LINGO2: variants seen among roughly 807,000 people sequenced by gnomAD.
LINGO2 encodes leucine-rich repeat and immunoglobulin-like domain-containing nogo receptor-interacting protein 2.
A neutral mutation model predicts 30.6 loss-of-function variants in LINGO2; 14 were observed. The ratio of observed to expected loss-of-function variants is 0.46; its 90% confidence interval spans 0.30 to 0.72. The LOEUF (loss-of-function observed/expected upper bound fraction) is 0.72. Among genes scored for constraint, LINGO2 ranks in the 30% least tolerant of loss-of-function variants. LINGO2 has a pLI of 0.07. For synonymous variants in LINGO2, 317 were observed against 288.5 expected (o/e 1.10, Z -1.00); for missense variants, 729 against 751.7 (o/e 0.97, Z 0.35).
At chr9:28,669,491 G>T (rs570753069) in intron 1 of LINGO2, among the ~76,000 whole-genome samples, 19 of 151,914 alleles carry the variant, frequency 1.3e-4, no homozygotes, top group African/African-American at 4.3e-4. Flanking sequence ...TGTAATTTCA[G>T]ATAGTAAAAA....
chr9:29,000,640 G>A, the LINGO2 span, among the ~76,000 whole-genome samples: 1,284 of 151,816 alleles, frequency 8.5e-3, 26 homozygotes, highest in African/African-American at 0.029. Context: ...TACTCCATAC[G>A]CAATACGAAA....
At position 27,968,895 on chromosome 9, in the gene LINGO2, CCTCT is replaced by C. The variant is rs897063100; in HGVS notation, c.-35-18193_-35-18190del. On this transcript the variant is annotated intron_variant, in intron 5 of 5. Coordinates refer to ENST00000379992, the Ensembl canonical transcript of LINGO2. Reference sequence around the variant, plus strand: ...TTGTATATAAAATTATAATTTCTCACCTCTCTCTCTCTCTACTAAGGAAATTACA... The same window carrying C: ...TTGTATATAAAATTATAATTTCTCACCTCTCTCTCTACTAAGGAAATTACA... Among the ~76,000 whole-genome samples, 36 of 149,954 alleles carry C rather than the reference CCTCT, an allele frequency of 2.4e-4. No homozygotes were observed. The East Asian group carries it at 2.7e-3, about 11-fold the overall frequency.
At chr9:29,152,780 CT>C in the LINGO2 span, among the ~76,000 whole-genome samples, 5 of 152,018 alleles carry the variant, frequency 3.3e-5, no homozygotes, top group Non-Finnish European at 4.4e-5. Context: ...CATGTACCCC[CT>C]GAATGAAAAT....
At chr9:28,863,666 G>A in the LINGO2 span, 1 of 532,538 alleles carries the variant, frequency 1.9e-6, no homozygotes, top group Non-Finnish European at 3.9e-6. Context: ...CACCACATTA[G>A]CTTAGATATG....
At chr9:28,596,057 G>A (rs1825160151) in intron 1 of LINGO2, among the ~76,000 whole-genome samples, 2 of 152,100 alleles carry the variant, frequency 1.3e-5, no homozygotes, top group Non-Finnish European at 2.9e-5. Flanking sequence ...CAAAGAAACA[G>A]AAAGGCTAAT....
the LINGO2 span, among the ~76,000 whole-genome samples, chr9:29,057,900 C>T: frequency 2.1e-4 from 32 of 152,176 alleles, no homozygotes; most frequent in African/African-American, 7.2e-4. Context: ...GCCTAAAGAA[C>T]GCTATATCTG....
chr9:29,129,617 G>C, the LINGO2 span, among the ~76,000 whole-genome samples: 235 of 152,168 alleles, frequency 1.5e-3, no homozygotes, highest in African/African-American at 5.3e-3. Context: ...TATTTGAAAT[G>C]TGCCAAAAAA....
intron 4 of LINGO2, among the ~76,000 whole-genome samples, chr9:28,017,703 A>T (rs10812724): frequency 0.24 from 36,204 of 152,050 alleles, 4,431 homozygotes; most frequent in South Asian, 0.3. Flanking sequence ...CTGCTTAAAG[A>T]AATCAGAGAT....
At chr9:28,630,203 A>T (rs536849422) in intron 1 of LINGO2, among the ~76,000 whole-genome samples, 6 of 150,646 alleles carry the variant, frequency 4.0e-5, no homozygotes, top group South Asian at 4.2e-4. Flanking sequence ...CTAAAACTTA[A>T]AGTATAATAA....
intron 2 of LINGO2, among the ~76,000 whole-genome samples, chr9:28,377,206 A>G (rs562867949): frequency 1.8e-4 from 27 of 151,250 alleles, no homozygotes; most frequent in Non-Finnish European, 2.7e-4. Context: ...CACCTCCCCC[A>G]CCTCTTCTGC....
Position 28,054,064 on chromosome 9 carries a change from C to CAA in LINGO2, c.-86-41661_-86-41660dup, listed in dbSNP as rs11461978. Among the ~76,000 whole-genome samples, 357 of 149,186 alleles carry CAA rather than the reference C, an allele frequency of 2.4e-3. 3 individuals carry two copies. Among genetic ancestry groups the CAA allele is most frequent in the East Asian group, 0.018 (92 of 5,068 alleles). ...CGTGGGTTGCAGCCCAGCTAGCAGA[C>CAA]AAAAAAAAAGAGAAAGTGGGATTCT... is the stretch of plus-strand genomic sequence containing the variant. On this transcript the variant is annotated intron_variant, in intron 4 of 5. Transcript: ENST00000379992.
chr9:28,344,209 A>T (rs1819479929), intron 3 of LINGO2, among the ~76,000 whole-genome samples: 1 of 152,306 alleles, frequency 6.6e-6, no homozygotes, highest in African/African-American at 2.4e-5. Flanking sequence ...ATAACAGAAA[A>T]ACAACCTGGA....
At chr9:28,290,321 A>G (rs1823674908) in intron 4 of LINGO2, among the ~76,000 whole-genome samples, 1 of 152,140 alleles carries the variant, frequency 6.6e-6, no homozygotes, top group South Asian at 2.1e-4. Context: ...GCACCTGAGG[A>G]AAGTGCCCTA....
intron 1 of LINGO2, among the ~76,000 whole-genome samples, chr9:28,664,448 G>A: frequency 6.6e-6 from 1 of 152,082 alleles, no homozygotes. Context: ...ATTTTACGTT[G>A]ATCAGATTGG....
At chr9:29,122,103 T>C in the LINGO2 span, among the ~76,000 whole-genome samples, 2 of 151,712 alleles carry the variant, frequency 1.3e-5, no homozygotes, top group Non-Finnish European at 2.9e-5. Flanking sequence ...TAAGCAAAAC[T>C]AACAAATTAC....
chr9:28,199,365 A>G, intron 4 of LINGO2, among the ~76,000 whole-genome samples: 2 of 119,430 alleles, frequency 1.7e-5, no homozygotes, highest in African/African-American at 3.1e-5. Context: ...TTTGAGACGG[A>G]GTCTCGCTCT....
At chr9:28,766,207 T>C in the LINGO2 span, among the ~76,000 whole-genome samples, 6,727 of 152,042 alleles carry the variant, frequency 0.044, 559 homozygotes, top group African/African-American at 0.15. Context: ...TGATAAGTGG[T>C]TACTATCCAA....
chr9:28,660,277 A>T (rs1178966938), intron 1 of LINGO2, among the ~76,000 whole-genome samples: 1 of 152,130 alleles, frequency 6.6e-6, no homozygotes, highest in Non-Finnish European at 1.5e-5. Flanking sequence ...TTAATAAAAC[A>T]TGGTTATTAA....
chr9:28,310,636 T>C (rs1824577278), intron 3 of LINGO2, among the ~76,000 whole-genome samples: 1 of 152,220 alleles, frequency 6.6e-6, no homozygotes, highest in Non-Finnish European at 1.5e-5. Context: ...GATACGTTCA[T>C]TATTTTAACT....
Sources: gnomAD v4.1 joint callset for allele counts (sites outside exome capture counted in the v4.1 genomes callset) on GRCh38, gnomAD v4.1.1 for gene constraint, MANE v1.5 for transcripts, NCBI Gene and HGNC (gene_info 2026-07-23, HGNC 2026-07-21) for gene names.